The following KLK15 variants were observed in gnomAD, a reference collection of about 807,000 sequenced individuals.
KLK15 encodes the protein kallikrein-15.
A neutral mutation model predicts 21.1 loss-of-function variants in KLK15; 19 were observed. The observed-to-expected ratio is 0.90, with a 90% CI of 0.63 to 1.32. The LOEUF is 1.32. KLK15 is among the 40% of genes most tolerant of loss of function. KLK15 has a pLI of 0.00. For synonymous variants in KLK15, 141 were observed against 141.5 expected (o/e 1.00, Z 0.03); for missense variants, 345 against 348.6 (o/e 0.99, Z 0.08).
intron 1 of KLK15, among the ~76,000 whole-genome samples, chr19:50,830,896 G>T (rs912650629): frequency 1.3e-5 from 2 of 152,166 alleles, no homozygotes; most frequent in African/African-American, 4.8e-5. Context: ...ACCTGAAGGG[G>T]CACTACCTGG....
At chr19:50,831,834 C>T (rs371987802), upstream of KLK15, among the ~76,000 whole-genome samples, 7 of 149,064 alleles carry the variant, frequency 4.7e-5, no homozygotes, top group Admixed American at 2.0e-4. Flanking sequence ...TTTTTTGAGA[C>T]GGAGTCTCAC....
At chr19:50,827,220 A>G in intron 2 of KLK15, 59 bp from the exon 4 acceptor site, 4 of 1,504,708 alleles carry the variant, frequency 2.7e-6, no homozygotes, top group Non-Finnish European at 3.6e-6. Flanking sequence ...ACCCGCAAGT[A>G]GAGGACAGAA....
Position 50,826,465 on chromosome 19 carries a change from A to C in KLK15, c.618+156T>G, listed in dbSNP as rs2089880484. ...AATCCCCACCTATAACCCCAACTCC[A>C]ACCTCACCCCTATTCTAACTTCTCT... On this transcript the variant is annotated intron_variant, in intron 4 of 4. Transcript: ENST00000598239. The C allele has an allele frequency of 3.5e-5, 30 of 850,388 alleles. No homozygotes were observed. The South Asian group carries it at 5.5e-4, about 16-fold the overall frequency. The allele number at this position is 850,388 out of a possible 1,614,324, so 52.7% of individuals were successfully genotyped here. A position where few individuals can be genotyped will look rare whatever the true frequency, so the allele number is the denominator to read the frequency against.
upstream of KLK15, among the ~76,000 whole-genome samples, chr19:50,832,846 C>G (rs550559383): frequency 1.3e-5 from 2 of 152,200 alleles, no homozygotes; most frequent in African/African-American, 4.8e-5. Flanking sequence ...GCCTCCCCTA[C>G]GAGACTGGCA....
At chr19:50,825,743 C>T (rs2089868234) in exon 5 of KLK15, 2 of 1,570,920 alleles carry the variant, frequency 1.3e-6, no homozygotes, top group African/African-American at 1.3e-5. Flanking sequence ...GGGCTGCTGG[C>T]CAGCTGTGGG....
upstream of KLK15, among the ~76,000 whole-genome samples, chr19:50,832,862 C>T (rs2090014186): frequency 6.6e-6 from 1 of 152,190 alleles, no homozygotes; most frequent in African/African-American, 2.4e-5. Context: ...TGGCAGCTCC[C>T]CGAGGAGCTG....
At chr19:50,832,322 CTTTT>C (rs773163899), upstream of KLK15, among the ~76,000 whole-genome samples, 2 of 109,434 alleles carry the variant, frequency 1.8e-5, no homozygotes, top group Non-Finnish European at 1.9e-5. Flanking sequence ...CTTTTTTTTT[CTTTT>C]TTTTTTTTTT....
At chr19:50,828,660 G>A (rs1183644533) in intron 1 of KLK15, among the ~76,000 whole-genome samples, 4 of 151,584 alleles carry the variant, frequency 2.6e-5, no homozygotes, top group African/African-American at 9.7e-5. Flanking sequence ...ATGCACATGG[G>A]TTGCAGCTTC....
intron 4 of KLK15, 79 bp from the exon 6 acceptor site, chr19:50,826,027 A>C: frequency 3.5e-5 from 49 of 1,387,090 alleles, no homozygotes; most frequent in Non-Finnish European, 4.2e-5. Flanking sequence ...TTGCAATCTC[A>C]CCCCAAACCC....
At chr19:50,827,615 C>G (rs750781376) in intron 2 of KLK15, 47 bp downstream of exon 3, 1 of 1,580,522 alleles carries the variant, frequency 6.3e-7, no homozygotes, top group African/African-American at 1.3e-5. Context: ...AGGAGCTCTT[C>G]CCCCCGAACC....
intron 1 of KLK15, chr19:50,831,235 G>A: frequency 2.5e-6 from 1 of 404,608 alleles, no homozygotes; most frequent in Non-Finnish European, 4.4e-6. Context: ...CCTTGTCGTG[G>A]GCAGCGAGAG....
intron 2 of KLK15, 105 bp from the exon 4 acceptor site, chr19:50,827,266 C>G: frequency 9.1e-7 from 1 of 1,095,512 alleles, no homozygotes; most frequent in South Asian, 1.5e-5. Context: ...TCTCCCGACC[C>G]TTTAGAAATC....
intron 1 of KLK15, chr19:50,831,207 T>C (rs113542362): frequency 2.7e-6 from 1 of 372,020 alleles, no homozygotes; most frequent in Non-Finnish European, 4.8e-6. Context: ...CAGGTTTGTG[T>C]AACCCCAGGA....
At chr19:50,828,236 A>G (rs997026412) in intron 1 of KLK15, among the ~76,000 whole-genome samples, 1 of 151,148 alleles carries the variant, frequency 6.6e-6, no homozygotes, top group East Asian at 1.9e-4. Context: ...GTGAGCCACC[A>G]TGCTCCGCCT....
At chr19:50,831,135 G>C (rs1330959352) in intron 1 of KLK15, 2 of 273,410 alleles carry the variant, frequency 7.3e-6, no homozygotes, top group Non-Finnish European at 1.4e-5. Flanking sequence ...TCGAAGCCCA[G>C]AGAGGTGAAG....
At chr19:50,832,480 G>T (rs1237781855), upstream of KLK15, among the ~76,000 whole-genome samples, 1 of 151,588 alleles carries the variant, frequency 6.6e-6, no homozygotes, top group Non-Finnish European at 1.5e-5. Flanking sequence ...GTGCCACCAC[G>T]CCCAGCTAAT....
rs1213539524 is a variant in KLK15, at chr19:50,826,657, A to AC, written c.581dup (p.Cys194TrpfsTer13). ...CTGCGCCTCTGCCCTCCGCGCCTGC[A>AC]CACACCATGGTGTTTGTCAGGCGCC... is the stretch of plus-strand genomic sequence containing the variant. On this transcript the variant is annotated frameshift_variant, in exon 4 of 5. Transcript: ENST00000598239. LOFTEE classifies it low-confidence loss of function (END_TRUNC). The AC allele has an allele frequency of 6.2e-7, 1 of 1,612,398 alleles. No individual in the cohort carries two copies. The highest frequency in any genetic ancestry group is 8.5e-7 in the Non-Finnish European group (1 of 1,179,542).
intron 4 of KLK15, chr19:50,826,343 G>T (rs140997667): frequency 1.3e-5 from 6 of 460,680 alleles, no homozygotes; most frequent in Non-Finnish European, 1.1e-5. Flanking sequence ...CAACCCTGAC[G>T]TATTTCCCAC....
exon 4 of KLK15, chr19:50,826,634 G>T: frequency 6.2e-7 from 1 of 1,602,780 alleles, no homozygotes; most frequent in Non-Finnish European, 8.5e-7. Flanking sequence ...ACAGGATTCT[G>T]CGCCTCTGCC....
Sources: allele counts gnomAD v4.1 joint callset (sites outside exome capture counted in the v4.1 genomes callset), GRCh38; gene constraint gnomAD v4.1.1; transcripts MANE v1.5; gene names NCBI Gene and HGNC (gene_info 2026-07-23, HGNC 2026-07-21).